Variants in PCDH15 observed in about 807,000 individuals in gnomAD.
PCDH15 encodes the protein protocadherin-15.
A neutral mutation model predicts 178.5 loss-of-function variants in PCDH15; 129 were observed. The observed-to-expected ratio is 0.72, with a 90% CI of 0.63 to 0.84. The LOEUF is 0.84. Among genes scored for constraint, PCDH15 ranks in the 40% least tolerant of loss-of-function variants. The pLI is 0.00. For missense variants in PCDH15, 2,230 were observed against 2,099.9 expected, an observed-to-expected ratio of 1.06 and a Z score of -1.21; for synonymous variants, 800 against 732.0, an observed-to-expected ratio of 1.09 and a Z score of -1.50.
Position 54,078,590 on chromosome 10 carries a change from G to GA in PCDH15, c.2091+740dup, listed in dbSNP as rs138583277. Among the ~76,000 whole-genome samples the GA allele has an allele frequency of 8.8e-3, 1,272 of 144,482 alleles. 14 individuals are homozygous for GA. The highest frequency in any genetic ancestry group is 0.03 in the African/African-American group (1,186 of 39,466). The allele number at this position is 144,482 out of a possible 152,430, so 94.8% of individuals were successfully genotyped here. On this transcript the variant is annotated intron_variant, in intron 17 of 37. Transcript: ENST00000644397. ...TGAGTTGACACATAAGCACCTGATT[G>GA]AAAAAAAAAAGAGAATCACCTAACA...
chr10:54,770,477 T>A (rs1327359137), intron 1 of PCDH15, among the ~76,000 whole-genome samples: 1 of 152,130 alleles, frequency 6.6e-6, no homozygotes, highest in Non-Finnish European at 1.5e-5. Flanking sequence ...AACAGAGCCA[T>A]CCTTTTCAGA....
At chr10:54,173,538 T>C (rs1000707055) in intron 13 of PCDH15, among the ~76,000 whole-genome samples, 8 of 147,456 alleles carry the variant, frequency 5.4e-5, no homozygotes, top group African/African-American at 1.7e-4. Context: ...TGTAAAAAAT[T>C]TAAAAATGAA....
chr10:54,125,610 T>C (rs926438309), intron 15 of PCDH15, among the ~76,000 whole-genome samples: 2 of 152,118 alleles, frequency 1.3e-5, no homozygotes, highest in Non-Finnish European at 2.9e-5. Context: ...CATAGAATAA[T>C]AGTACAGAGA....
At chr10:54,535,163 T>C (rs752063979) in intron 2 of PCDH15, among the ~76,000 whole-genome samples, 1 of 152,248 alleles carries the variant, frequency 6.6e-6, no homozygotes, top group Non-Finnish European at 1.5e-5. Flanking sequence ...AGTGTCATTA[T>C]TAATTGAATT....
chr10:53,821,835 C>A, intron 32 of PCDH15: 2 of 1,610,742 alleles, frequency 1.2e-6, no homozygotes, highest in African/African-American at 2.7e-5. Context: ...GAGGTTTGCC[C>A]GACTAAAATA....
intron 2 of PCDH15, among the ~76,000 whole-genome samples, chr10:55,618,978 A>G (rs1843533606): frequency 6.6e-6 from 1 of 152,078 alleles, no homozygotes; most frequent in African/African-American, 2.4e-5. Context: ...GGGAGTTTGG[A>G]ACCAAGTTGA....
chr10:55,319,908 A>T (rs1843843918), upstream of PCDH15, among the ~76,000 whole-genome samples: 1 of 152,070 alleles, frequency 6.6e-6, no homozygotes, highest in Non-Finnish European at 1.5e-5. Flanking sequence ...AGTAGACTTT[A>T]GCCTTAGGGG....
chr10:55,212,788 G>A lies in PCDH15; in HGVS notation c.-155-46137C>T, dbSNP rs151139947. ...ATACTGCAGTTCTTTAATCATAGGC[G>A]GGTCTCTACCACAATGTACCATCTG... On this transcript the variant is annotated intron_variant, in intron 1 of 5. Transcript: ENST00000458638. Among the ~76,000 whole-genome samples the A allele has an allele frequency of 5.5e-4, 84 of 152,044 alleles. 1 individual carries two copies. Among genetic ancestry groups the A allele is most frequent in the African/African-American group, 1.9e-3 (78 of 41,432 alleles).
chr10:54,818,539 T>A (rs955546946), intron 3 of PCDH15, among the ~76,000 whole-genome samples: 50 of 152,100 alleles, frequency 3.3e-4, no homozygotes, highest in African/African-American at 1.2e-3. Context: ...CATCTGGTTC[T>A]CTTGAAATGC....
chr10:54,027,722 A>T (rs1436709434), intron 18 of PCDH15, among the ~76,000 whole-genome samples: 1 of 147,946 alleles, frequency 6.8e-6, no homozygotes, highest in Non-Finnish European at 1.5e-5. Flanking sequence ...TGGTGCTGGG[A>T]AAACTGGCTA....
At chr10:54,746,497 A>G (rs1030375548) in intron 1 of PCDH15, among the ~76,000 whole-genome samples, 3 of 152,142 alleles carry the variant, frequency 2.0e-5, no homozygotes, top group Non-Finnish European at 4.4e-5. Flanking sequence ...AAGAAAGGAT[A>G]AGTGCTTGAG....
chr10:55,150,114 AAGAGAAGAGG>A (rs1283804916), intron 2 of PCDH15, among the ~76,000 whole-genome samples: 1 of 151,516 alleles, frequency 6.6e-6, no homozygotes, highest in Non-Finnish European at 1.5e-5. Context: ...GAGAGGAGAG[AAGAGAAGAGG>A]AGAGAAGACA....
At chr10:55,379,701 C>T (rs954052957) in intron 2 of PCDH15, among the ~76,000 whole-genome samples, 1 of 151,950 alleles carries the variant, frequency 6.6e-6, no homozygotes, top group African/African-American at 2.4e-5. Flanking sequence ...CCCCCACATA[C>T]ATAGTATTTC....
intron 21 of PCDH15, among the ~76,000 whole-genome samples, chr10:53,988,080 A>G (rs1323667986): frequency 6.6e-6 from 1 of 152,162 alleles, no homozygotes; most frequent in Non-Finnish European, 1.5e-5. Flanking sequence ...GATCCATCCC[A>G]GGCTCTTTAA....
chr10:54,057,319 G>C (rs897548919), intron 18 of PCDH15, among the ~76,000 whole-genome samples: 2 of 152,212 alleles, frequency 1.3e-5, no homozygotes, highest in East Asian at 3.9e-4. Context: ...CTCTGCCCCT[G>C]CAGCATAACT....
intron 2 of PCDH15, among the ~76,000 whole-genome samples, chr10:54,956,240 A>G (rs995808164): frequency 6.6e-6 from 1 of 151,398 alleles, no homozygotes; most frequent in Non-Finnish European, 1.5e-5. Flanking sequence ...TTTAAAAACT[A>G]TTAGAAATTG....
intron 2 of PCDH15, among the ~76,000 whole-genome samples, chr10:55,329,917 G>A: frequency 6.6e-6 from 1 of 151,810 alleles, no homozygotes; most frequent in South Asian, 2.1e-4. Context: ...GGGTAATAGA[G>A]ACTCCAATGT....
intron 1 of PCDH15, among the ~76,000 whole-genome samples, chr10:55,227,258 T>C (rs1841075959): frequency 6.6e-6 from 1 of 152,106 alleles, no homozygotes; most frequent in African/African-American, 2.4e-5. Context: ...TCGATAAATG[T>C]TTTTAAAATT....
intron 2 of PCDH15, among the ~76,000 whole-genome samples, chr10:55,436,238 A>G (rs936504036): frequency 6.6e-6 from 1 of 152,128 alleles, no homozygotes; most frequent in Non-Finnish European, 1.5e-5. Flanking sequence ...TGGATTTCCA[A>G]TTCCTTAAGA....
Sources: allele counts gnomAD v4.1 joint callset (sites outside exome capture counted in the v4.1 genomes callset), GRCh38; gene constraint gnomAD v4.1.1; transcripts MANE v1.5; gene names NCBI Gene and HGNC (gene_info 2026-07-23, HGNC 2026-07-21).